Variants in EPHA6 observed in about 807,000 individuals in gnomAD.
The protein encoded by EPHA6 is EPH receptor A6, also known as ephrin type-A receptor 6.
EPHA6 carries 50 observed loss-of-function variants against 112.0 expected under a neutral mutation model. That is an observed-to-expected ratio of 0.45 (90% CI 0.36 to 0.56). The LOEUF (loss-of-function observed/expected upper bound fraction) is 0.56, where lower values mean the gene tolerates loss of function less well. EPHA6 is among the 20% of genes least tolerant of loss of function. The pLI is 0.00. For synonymous variants in EPHA6, 529 were observed against 490.7 expected (o/e 1.08, Z -1.03); for missense variants, 1,280 against 1,417.4 (o/e 0.90, Z 1.56).
At chr3:97,063,401 G>A (rs1297400687) in intron 3 of EPHA6, among the ~76,000 whole-genome samples, 1 of 152,120 alleles carries the variant, frequency 6.6e-6, no homozygotes, top group Non-Finnish European at 1.5e-5. Flanking sequence ...GTCCTTTGCA[G>A]GAACATGGAT....
chr3:97,398,298 A>G (rs1479634385), intron 5 of EPHA6, among the ~76,000 whole-genome samples: 9 of 151,502 alleles, frequency 5.9e-5, no homozygotes, highest in African/African-American at 2.2e-4. Context: ...AAAAATTGTA[A>G]TGAATTGATA....
At chr3:97,484,985 C>T (rs1013871222) in intron 10 of EPHA6, among the ~76,000 whole-genome samples, 19 of 152,180 alleles carry the variant, frequency 1.2e-4, no homozygotes, top group African/African-American at 2.4e-4. Flanking sequence ...AGTTTGGAAA[C>T]GGAATTGCCG....
At chr3:97,283,030 G>T in intron 5 of EPHA6, among the ~76,000 whole-genome samples, 1 of 152,270 alleles carries the variant, frequency 6.6e-6, no homozygotes, top group Non-Finnish European at 1.5e-5. Flanking sequence ...GGCAATGTCA[G>T]CAAGTACTCT....
chr3:97,659,447 A>T (rs780553412), intron 14 of EPHA6, among the ~76,000 whole-genome samples: 1 of 152,004 alleles, frequency 6.6e-6, no homozygotes, highest in South Asian at 2.1e-4. Flanking sequence ...AATGTCCCAC[A>T]GGGCAAGAGG....
intron 15 of EPHA6, among the ~76,000 whole-genome samples, chr3:97,726,442 A>G (rs1340360198): frequency 6.6e-5 from 10 of 152,136 alleles, no homozygotes; most frequent in Admixed American, 5.9e-4. Context: ...GGAAATATAA[A>G]TATTTTCTGC....
intron 5 of EPHA6, among the ~76,000 whole-genome samples, chr3:97,392,139 G>C (rs780029344): frequency 2.6e-5 from 4 of 151,606 alleles, no homozygotes; most frequent in African/African-American, 9.7e-5. Flanking sequence ...ATTCGTTTGG[G>C]CTTTACATTT....
intron 2 of EPHA6, among the ~76,000 whole-genome samples, chr3:96,899,355 T>A (rs2038475125): frequency 2.0e-5 from 3 of 152,164 alleles, no homozygotes; most frequent in Non-Finnish European, 4.4e-5. Context: ...ATTATCTTAA[T>A]TACATATGCA....
intron 10 of EPHA6, among the ~76,000 whole-genome samples, chr3:97,485,130 G>T (rs1178777468): frequency 6.6e-6 from 1 of 152,168 alleles, no homozygotes; most frequent in Non-Finnish European, 1.5e-5. Flanking sequence ...TAATCCTTTG[G>T]AAAGAGCAGA....
intron 6 of EPHA6, among the ~76,000 whole-genome samples, chr3:97,425,386 CT>C (rs755484805): frequency 6.6e-6 from 1 of 152,214 alleles, no homozygotes; most frequent in Non-Finnish European, 1.5e-5. Context: ...CTCTGTGCAC[CT>C]GCAGGCTCAA....
intron 11 of EPHA6, among the ~76,000 whole-genome samples, chr3:97,550,098 T>A (rs1317662632): frequency 1.3e-5 from 2 of 152,182 alleles, no homozygotes; most frequent in African/African-American, 4.8e-5. Context: ...CAGAAAGGAC[T>A]TTCATCTGTA....
chr3:97,587,240 C>CA lies in EPHA6; in HGVS notation c.2387-5359dup, dbSNP rs1160922047. On this transcript the variant is annotated intron_variant, in intron 11 of 17. Coordinates refer to ENST00000389672, the MANE Select transcript of EPHA6 (RefSeq NM_001080448.3). ...TGGGCAACAGAATGAGACTCCGTCT[C>CA]AAAAAAAAAAAAAGAAACTATCTTA... is the stretch of plus-strand genomic sequence containing the variant. Among the ~76,000 whole-genome samples, 820 of 128,124 alleles carry CA rather than the reference C, an allele frequency of 6.4e-3. 2 individuals are homozygous for CA. The highest frequency in any genetic ancestry group is 0.011 in the African/African-American group (401 of 34,976). The allele number at this position is 128,124 out of a possible 152,430, so 84.1% of individuals were successfully genotyped here.
intron 14 of EPHA6, among the ~76,000 whole-genome samples, chr3:97,644,848 C>A (rs2094043761): frequency 2.0e-5 from 3 of 152,060 alleles, no homozygotes; most frequent in African/African-American, 7.2e-5. Flanking sequence ...CAGCCGAATT[C>A]TACCAGAGGT....
chr3:97,590,627 A>G (rs575778528), intron 11 of EPHA6, among the ~76,000 whole-genome samples: 1 of 152,142 alleles, frequency 6.6e-6, no homozygotes, highest in African/African-American at 2.4e-5. Context: ...TGACTATGTT[A>G]TTATGTTTCT....
In EPHA6 at chr3:96,931,018, A is replaced by AAAAAAAAAAG. The variant is rs796531853; in HGVS notation, c.451-56309_451-56308insAAAAAAGAAA. ...AAAAAAAAAAAAAAAAAAAAAAAAA[A>AAAAAAAAAAG]AAAGAAAAGCTTTCTGGCTGCTTTT... On this transcript the variant is annotated intron_variant, in intron 2 of 17. Transcript: ENST00000389672. Among the ~76,000 whole-genome samples, 439 of 84,572 alleles carry AAAAAAAAAAG rather than the reference A, an allele frequency of 5.2e-3. 106 individuals are homozygous for AAAAAAAAAAG. Among genetic ancestry groups the AAAAAAAAAAG allele is most frequent in the African/African-American group, 0.015 (345 of 23,674 alleles). The allele number at this position is 84,572 out of a possible 152,430, so 55.5% of individuals were successfully genotyped here. A position where few individuals can be genotyped will look rare whatever the true frequency, so the allele number is the denominator to read the frequency against.
At chr3:96,869,688 T>C (rs1231459601) in intron 2 of EPHA6, among the ~76,000 whole-genome samples, 1 of 152,060 alleles carries the variant, frequency 6.6e-6, no homozygotes, top group Non-Finnish European at 1.5e-5. Flanking sequence ...CTATGTTTAA[T>C]GTGTACATAG....
intron 5 of EPHA6, among the ~76,000 whole-genome samples, chr3:97,267,433 G>A (rs1324914802): frequency 1.3e-5 from 2 of 151,960 alleles, no homozygotes; most frequent in Non-Finnish European, 2.9e-5. Flanking sequence ...AAGATCAATA[G>A]AAAGGAAGGA....
At chr3:97,646,208 T>C (rs1364801622) in intron 14 of EPHA6, 7 of 1,535,606 alleles carry the variant, frequency 4.6e-6, no homozygotes, top group Non-Finnish European at 6.1e-6. Flanking sequence ...CCAGCTCTGG[T>C]TATGGTACTG....
At chr3:97,691,079 G>A (rs992057165) in intron 14 of EPHA6, among the ~76,000 whole-genome samples, 2 of 152,078 alleles carry the variant, frequency 1.3e-5, no homozygotes, top group South Asian at 2.1e-4. Context: ...TAGCTCTTAC[G>A]TTTAGATCCA....
intron 3 of EPHA6, among the ~76,000 whole-genome samples, chr3:97,145,316 A>G (rs2076013072): frequency 6.6e-6 from 1 of 151,456 alleles, no homozygotes; most frequent in Non-Finnish European, 1.5e-5. Flanking sequence ...TATGGTCAAT[A>G]TTTTGTATAT....
Sources: gnomAD v4.1 joint callset for allele counts (sites outside exome capture counted in the v4.1 genomes callset) on GRCh38, gnomAD v4.1.1 for gene constraint, MANE v1.5 for transcripts, NCBI Gene and HGNC (gene_info 2026-07-23, HGNC 2026-07-21) for gene names.